Variants in QTMAN observed in about 807,000 individuals in gnomAD.
QTMAN encodes tRNA-queuosine alpha-mannosyltransferase.
chr2:144,053,829 A>G, the QTMAN span, among the ~76,000 whole-genome samples: 1 of 152,180 alleles, frequency 6.6e-6, no homozygotes, highest in Non-Finnish European at 1.5e-5. Flanking sequence ...GCATCAAGGA[A>G]TTAGAAACAA....
chr2:144,250,906 C>G, the QTMAN span, among the ~76,000 whole-genome samples: 4 of 152,024 alleles, frequency 2.6e-5, no homozygotes, highest in African/African-American at 7.2e-5. Context: ...TAAAAAAAAG[C>G]AGCAAGTTCC....
chr2:143,982,589 G>A, the QTMAN span, among the ~76,000 whole-genome samples: 5 of 151,496 alleles, frequency 3.3e-5, no homozygotes, highest in Non-Finnish European at 5.9e-5. Context: ...GGCTGAGTGC[G>A]GTGGCTCATG....
chr2:143,952,406 A>G, the QTMAN span, among the ~76,000 whole-genome samples: 1 of 151,464 alleles, frequency 6.6e-6, no homozygotes, highest in Non-Finnish European at 1.5e-5. Flanking sequence ...CATATTATTA[A>G]CTAGTCAATT....
chr2:144,076,638 A>G, the QTMAN span, among the ~76,000 whole-genome samples: 1 of 152,186 alleles, frequency 6.6e-6, no homozygotes, highest in Admixed American at 6.5e-5. Flanking sequence ...GGACAATGCA[A>G]ATTTTTCACA....
At chr2:144,110,212 T>TA in the QTMAN span, among the ~76,000 whole-genome samples, 1 of 152,060 alleles carries the variant, frequency 6.6e-6, no homozygotes, top group Non-Finnish European at 1.5e-5. Context: ...TATGCAGCCA[T>TA]AAAAAAGGAT....
At chr2:144,266,772 T>C in the QTMAN span, among the ~76,000 whole-genome samples, 1 of 152,234 alleles carries the variant, frequency 6.6e-6, no homozygotes, top group Non-Finnish European at 1.5e-5. Context: ...TCGGTACATA[T>C]GTCCCCATCT....
the QTMAN span, among the ~76,000 whole-genome samples, chr2:144,084,806 A>G: frequency 6.6e-6 from 1 of 152,230 alleles, no homozygotes; most frequent in African/African-American, 2.4e-5. Context: ...TATTTGTGGT[A>G]AACATGACAT....
At chr2:144,133,563 T>C in the QTMAN span, among the ~76,000 whole-genome samples, 1 of 117,290 alleles carries the variant, frequency 8.5e-6, no homozygotes, top group African/African-American at 3.2e-5. Context: ...AATATAAATA[T>C]TATAATAAAA....
chr2:144,267,830 C>T, the QTMAN span, among the ~76,000 whole-genome samples: 4 of 152,170 alleles, frequency 2.6e-5, no homozygotes, highest in Admixed American at 6.5e-5. Context: ...AATTCATTCA[C>T]ATGCTCTAAA....
chr2:144,278,377 A>C, the QTMAN span, among the ~76,000 whole-genome samples: 4 of 152,186 alleles, frequency 2.6e-5, no homozygotes, highest in African/African-American at 9.7e-5. Flanking sequence ...AATACTCAAC[A>C]TATATTAGGG....
the QTMAN span, among the ~76,000 whole-genome samples, chr2:144,222,594 CAGG>C: frequency 1.8e-4 from 27 of 151,570 alleles, no homozygotes; most frequent in Admixed American, 1.8e-3. Context: ...ATCACAAGGT[CAGG>C]AGATCAAGAC....
chr2:144,321,215 C>T, the QTMAN span, among the ~76,000 whole-genome samples: 1 of 152,202 alleles, frequency 6.6e-6, no homozygotes, highest in African/African-American at 2.4e-5. Flanking sequence ...CCACCACCCA[C>T]GTGGGATGCC....
At chr2:144,120,538 A>C in the QTMAN span, among the ~76,000 whole-genome samples, 1 of 152,380 alleles carries the variant, frequency 6.6e-6, no homozygotes, top group African/African-American at 2.4e-5. Flanking sequence ...TCTGCTTTTA[A>C]GAATATCTTT....
At chr2:143,976,814 A>C in the QTMAN span, among the ~76,000 whole-genome samples, 2 of 152,170 alleles carry the variant, frequency 1.3e-5, no homozygotes, top group Non-Finnish European at 2.9e-5. Flanking sequence ...AGAGTTGACA[A>C]AGACCAACAA....
At chr2:144,198,033 T>A in the QTMAN span, among the ~76,000 whole-genome samples, 5 of 152,032 alleles carry the variant, frequency 3.3e-5, no homozygotes, top group African/African-American at 1.2e-4. Context: ...TCAAGGCCAA[T>A]CTGGGCAACA....
the QTMAN span, chr2:144,142,129 C>T: frequency 6.0e-6 from 6 of 1,005,794 alleles, no homozygotes; most frequent in Non-Finnish European, 9.0e-6. Flanking sequence ...CCTAAGACCT[C>T]TATGGATTAA....
the QTMAN span, among the ~76,000 whole-genome samples, chr2:144,159,430 C>T: frequency 6.6e-6 from 1 of 151,958 alleles, no homozygotes; most frequent in Non-Finnish European, 1.5e-5. Flanking sequence ...ACTGCATTAC[C>T]GTCACCAACC....
At chr2:144,180,079 T>C in the QTMAN span, among the ~76,000 whole-genome samples, 49 of 152,130 alleles carry the variant, frequency 3.2e-4, no homozygotes, top group Admixed American at 2.6e-4. Context: ...GTAGATGTAT[T>C]CCAATGAAGA....
the QTMAN span, chr2:144,178,667 A>C: frequency 5.8e-6 from 1 of 171,834 alleles, no homozygotes; most frequent in Admixed American, 6.2e-5. Context: ...TATGGTCTGC[A>C]GCACCTACCC....
Sources: gnomAD v4.1 joint callset for allele counts (sites outside exome capture counted in the v4.1 genomes callset) on GRCh38, gnomAD v4.1.1 for gene constraint, MANE v1.5 for transcripts, NCBI Gene and HGNC (gene_info 2026-07-23, HGNC 2026-07-21) for gene names.